PAPPA2: variants seen among roughly 807,000 people sequenced by gnomAD.
PAPPA2 encodes the protein pappalysin 2.
A neutral mutation model predicts 176.4 loss-of-function variants in PAPPA2; 86 were observed. The ratio of observed to expected loss-of-function variants is 0.49; its 90% confidence interval spans 0.41 to 0.58. The LOEUF (loss-of-function observed/expected upper bound fraction) is 0.58, where lower values mean the gene tolerates loss of function less well. Among genes scored for constraint, PAPPA2 ranks in the 20% least tolerant of loss-of-function variants. The probability of loss-of-function intolerance (pLI) is 0.00; values close to 1 mark genes in which losing one functional copy is unlikely to be tolerated. For missense variants in PAPPA2, 2,073 were observed against 2,256.9 expected (o/e 0.92, Z 1.65); for synonymous variants, 809 against 852.2 (o/e 0.95, Z 0.88).
Position 176,671,100 on chromosome 1 carries a change from G to T in PAPPA2, c.2122G>T (p.Ala708Ser). 2 of 1,613,840 alleles carry T rather than the reference G, an allele frequency of 1.2e-6. No homozygotes were observed. The highest frequency in any genetic ancestry group is 1.7e-6 in the Non-Finnish European group (2 of 1,179,854). Residue 708 changes from alanine to serine, a missense_variant, in exon 4 of 23, where the codon GCT becomes TCT. Ala to Ser is a moderately conservative substitution (Grantham distance 99). Around this residue, in one of 4 missense-constraint regions of PAPPA2, gnomAD observed 1,196 missense variants for 1,330.4 expected, o/e 0.90. Coordinates refer to ENST00000367662, the MANE Select transcript of PAPPA2 (RefSeq NM_020318.3). ...GAATWPWDKD[A>S]VTHLGGIVLS... ...TGCCACCTGGCCTTGGGACAAGGAC[G>T]CTGTCACTCACCTGGGTAAGTGAAA...
At chr1:176,516,016 C>A (rs1382568850) in intron 1 of PAPPA2, among the ~76,000 whole-genome samples, 1 of 152,184 alleles carries the variant, frequency 6.6e-6, no homozygotes, top group Admixed American at 6.5e-5. Flanking sequence ...TGGCCAAAGT[C>A]AACTAGCCTA....
chr1:176,800,673 A>G (rs571647304), intron 21 of PAPPA2, among the ~76,000 whole-genome samples: 11 of 152,358 alleles, frequency 7.2e-5, no homozygotes, highest in Non-Finnish European at 1.5e-4. Context: ...AACCGTGATG[A>G]CAATTAGCTG....
intron 8 of PAPPA2, among the ~76,000 whole-genome samples, chr1:176,701,520 G>T (rs1660650908): frequency 2.0e-5 from 3 of 152,152 alleles, no homozygotes; most frequent in African/African-American, 4.8e-5. Flanking sequence ...AAATTTAAAA[G>T]ACTTTAATAT....
intron 1 of PAPPA2, among the ~76,000 whole-genome samples, chr1:176,482,615 A>AT (rs1278843478): frequency 6.6e-6 from 1 of 151,902 alleles, no homozygotes; most frequent in Non-Finnish European, 1.5e-5. Context: ...AGAATTTGTT[A>AT]TTTTTTTCCT....
intron 3 of PAPPA2, among the ~76,000 whole-genome samples, chr1:176,608,386 C>T (rs1188304511): frequency 6.6e-6 from 1 of 152,122 alleles, no homozygotes; most frequent in Non-Finnish European, 1.5e-5. Context: ...TGACAATTGC[C>T]TAGGGCACTA....
At chr1:176,561,731 G>A (rs1651685489) in intron 2 of PAPPA2, among the ~76,000 whole-genome samples, 1 of 152,148 alleles carries the variant, frequency 6.6e-6, no homozygotes, top group African/African-American at 2.4e-5. Context: ...CTAGAAAAAT[G>A]AACATGTTCA....
chr1:176,773,558 G>A (rs1346388972), intron 17 of PAPPA2, among the ~76,000 whole-genome samples: 3 of 152,160 alleles, frequency 2.0e-5, no homozygotes, highest in African/African-American at 7.2e-5. Context: ...AACTTGCTGG[G>A]CATGACCCTG....
chr1:176,515,997 G>T (rs1049844634), intron 1 of PAPPA2, among the ~76,000 whole-genome samples: 1 of 152,182 alleles, frequency 6.6e-6, no homozygotes, highest in Non-Finnish European at 1.5e-5. Flanking sequence ...AAAAGTGGTG[G>T]AGTAAACTTG....
At chr1:176,524,635 T>TG (rs1020616013) in intron 1 of PAPPA2, among the ~76,000 whole-genome samples, 1 of 152,160 alleles carries the variant, frequency 6.6e-6, no homozygotes, top group Non-Finnish European at 1.5e-5. Flanking sequence ...CTGTTCAGCA[T>TG]GGGGTAAAGA....
At chr1:176,519,290 A>G (rs991483543) in intron 1 of PAPPA2, among the ~76,000 whole-genome samples, 1 of 152,156 alleles carries the variant, frequency 6.6e-6, no homozygotes, top group Non-Finnish European at 1.5e-5. Context: ...CAGGGAATAA[A>G]TGAGCACAGA....
intron 1 of PAPPA2, among the ~76,000 whole-genome samples, chr1:176,540,167 A>C (rs143754438): frequency 6.6e-6 from 1 of 152,320 alleles, no homozygotes; most frequent in Non-Finnish European, 1.5e-5. Context: ...ATAAGACACA[A>C]GTACCATCCT....
intron 1 of PAPPA2, among the ~76,000 whole-genome samples, chr1:176,516,962 C>T (rs372192589): frequency 1.1e-4 from 17 of 152,174 alleles, no homozygotes; most frequent in African/African-American, 4.1e-4. Context: ...TTATCTGGTT[C>T]TCCAAGTTTC....
intron 17 of PAPPA2, among the ~76,000 whole-genome samples, chr1:176,784,117 A>G (rs967976021): frequency 2.6e-5 from 4 of 152,208 alleles, no homozygotes; most frequent in Non-Finnish European, 5.9e-5. Flanking sequence ...CAAATGAGGT[A>G]TTTTAGCTGA....
At chr1:176,749,690 A>G (rs775005294) in intron 14 of PAPPA2, among the ~76,000 whole-genome samples, 1 of 152,176 alleles carries the variant, frequency 6.6e-6, no homozygotes, top group African/African-American at 2.4e-5. Context: ...CCATAATGTC[A>G]TATTCTGGAA....
chr1:176,463,533 T>A (rs1651475492), intron 1 of PAPPA2, 115 bp downstream of exon 1: 1 of 152,284 alleles, frequency 6.6e-6, no homozygotes, highest in South Asian at 2.1e-4. Flanking sequence ...TGTATTCTTT[T>A]GGCATCAGAG....
At chr1:176,488,562 A>C (rs551639138) in intron 1 of PAPPA2, among the ~76,000 whole-genome samples, 161 of 152,268 alleles carry the variant, frequency 1.1e-3, no homozygotes, top group African/African-American at 3.8e-3. Flanking sequence ...CTTCACCCTA[A>C]TAATTGGGAT....
chr1:176,649,820 GATC>G (rs1657614493), intron 3 of PAPPA2, among the ~76,000 whole-genome samples: 1 of 151,648 alleles, frequency 6.6e-6, no homozygotes, highest in South Asian at 2.1e-4. Context: ...TGTCCTAACA[GATC>G]ATCAATCCTG....
Position 176,467,609 on chromosome 1 carries a change from C to T in PAPPA2, c.-917+4191C>T, listed in dbSNP as rs1651686583. Among the ~76,000 whole-genome samples, 2 of 152,180 alleles carry T rather than the reference C, an allele frequency of 1.3e-5. 1 individual carries two copies. The highest frequency in any genetic ancestry group is 4.1e-4 in the South Asian group (2 of 4,830). On this transcript the variant is annotated intron_variant, in intron 1 of 22. Transcript: ENST00000367662. Reference sequence around the variant, plus strand: ...TGCCTCATTTATTCAGTTGACAGCGCCAGGTGCTAGTGACTATAAGGTGAT... The same window carrying T: ...TGCCTCATTTATTCAGTTGACAGCGTCAGGTGCTAGTGACTATAAGGTGAT...
chr1:176,783,979 A>C (rs867766460), intron 17 of PAPPA2, among the ~76,000 whole-genome samples: 1 of 152,252 alleles, frequency 6.6e-6, no homozygotes, highest in South Asian at 2.1e-4. Flanking sequence ...TGGTCTACAC[A>C]TGTAAGTTGG....
Sources: gnomAD v4.1 joint callset for allele counts (sites outside exome capture counted in the v4.1 genomes callset) on GRCh38, gnomAD v4.1.1 for gene constraint, gnomAD v4.1.1 regional missense constraint, MANE v1.5 for transcripts, NCBI Gene and HGNC (gene_info 2026-07-23, HGNC 2026-07-21) for gene names.